The following TBC1D19 variants were observed in gnomAD, a reference collection of about 807,000 sequenced individuals.
TBC1D19 encodes the protein TBC1 domain family member 19.
In TBC1D19, 60 loss-of-function variants were observed where a neutral mutation model predicts 89.0. The observed-to-expected ratio is 0.67, with a 90% CI of 0.55 to 0.84. The LOEUF is 0.84. Among genes scored for constraint, TBC1D19 ranks in the 40% least tolerant of loss-of-function variants. The pLI is 0.00. For synonymous variants in TBC1D19, 189 were observed against 199.7 expected, an observed-to-expected ratio of 0.95 and a Z score of 0.45; for missense variants, 500 against 610.8, an observed-to-expected ratio of 0.82 and a Z score of 1.91.
At chr4:26,695,769 A>G (rs1055003720) in intron 13 of TBC1D19, among the ~76,000 whole-genome samples, 50 of 152,314 alleles carry the variant, frequency 3.3e-4, no homozygotes, top group African/African-American at 1.1e-3. Context: ...AGCTTTGTAA[A>G]TGAAGGAGAA....
At chr4:26,775,294 A>T in the TBC1D19 span, among the ~76,000 whole-genome samples, 1 of 152,072 alleles carries the variant, frequency 6.6e-6, no homozygotes, top group Non-Finnish European at 1.5e-5. Flanking sequence ...TCTACAAAAC[A>T]TTTTTAAAAA....
At chr4:26,595,017 C>T (rs1164674540) in intron 1 of TBC1D19, among the ~76,000 whole-genome samples, 1 of 152,178 alleles carries the variant, frequency 6.6e-6, no homozygotes, top group African/African-American at 2.4e-5. Context: ...AAACTGACAA[C>T]CTGTCTTCCA....
At chr4:26,748,151 G>A (rs898673447) in intron 18 of TBC1D19, among the ~76,000 whole-genome samples, 3 of 152,098 alleles carry the variant, frequency 2.0e-5, no homozygotes, top group Admixed American at 6.5e-5. Flanking sequence ...TGTAGAAATG[G>A]GTTTTATAAA....
downstream of TBC1D19, among the ~76,000 whole-genome samples, chr4:26,756,941 C>T (rs1356594319): frequency 6.6e-6 from 1 of 152,150 alleles, no homozygotes; most frequent in Non-Finnish European, 1.5e-5. Context: ...CTTCCGCAGA[C>T]CCCTCTCTGC....
the TBC1D19 span, among the ~76,000 whole-genome samples, chr4:26,825,107 T>TA: frequency 6.6e-6 from 1 of 152,106 alleles, no homozygotes; most frequent in East Asian, 1.9e-4. Flanking sequence ...TTTAGGATTT[T>TA]TTTTTTTTTT....
At chr4:26,716,608 T>A (rs1716628685) in intron 13 of TBC1D19, among the ~76,000 whole-genome samples, 1 of 152,124 alleles carries the variant, frequency 6.6e-6, no homozygotes, top group African/African-American at 2.4e-5. Context: ...AGTGGAATAT[T>A]CTGCAACATA....
chr4:26,795,409 A>G, the TBC1D19 span, among the ~76,000 whole-genome samples: 3 of 152,160 alleles, frequency 2.0e-5, no homozygotes, highest in Non-Finnish European at 4.4e-5. Context: ...TTAATGCACC[A>G]TGATTTAACT....
chr4:26,717,907 T>C (rs1245272123), intron 13 of TBC1D19, 26 bp from the exon 14 acceptor site: 1 of 1,568,858 alleles, frequency 6.4e-7, no homozygotes, highest in East Asian at 2.2e-5. Context: ...GCTTAATTGC[T>C]ATTTTTTTTC....
At chr4:26,578,989 T>C (rs1325986690) in intron 1 of TBC1D19, among the ~76,000 whole-genome samples, 2 of 152,232 alleles carry the variant, frequency 1.3e-5, no homozygotes, top group East Asian at 1.9e-4. Context: ...TCCTGTCATG[T>C]AATCTGCTAC....
At chr4:26,708,211 C>G (rs1351010602) in intron 13 of TBC1D19, among the ~76,000 whole-genome samples, 1 of 152,016 alleles carries the variant, frequency 6.6e-6, no homozygotes. Context: ...GAATATCTCT[C>G]TCACTTTTGA....
At chr4:26,645,589 G>A (rs2110089509) in intron 7 of TBC1D19, among the ~76,000 whole-genome samples, 1 of 152,274 alleles carries the variant, frequency 6.6e-6, no homozygotes, top group East Asian at 1.9e-4. Context: ...CAGGACATAG[G>A]CATGGGCAAG....
the TBC1D19 span, among the ~76,000 whole-genome samples, chr4:26,761,790 T>C: frequency 6.6e-6 from 1 of 152,316 alleles, no homozygotes; most frequent in Non-Finnish European, 1.5e-5. Context: ...TAACAAATAT[T>C]TTTCAATATT....
chr4:26,697,170 G>A (rs1231404790), intron 13 of TBC1D19, among the ~76,000 whole-genome samples: 1 of 151,968 alleles, frequency 6.6e-6, no homozygotes, highest in Middle Eastern at 3.2e-3. Flanking sequence ...AATGATAAAG[G>A]GGATGTCACC....
intron 15 of TBC1D19, among the ~76,000 whole-genome samples, chr4:26,731,433 A>G (rs1046750608): frequency 6.6e-6 from 1 of 152,148 alleles, no homozygotes; most frequent in Admixed American, 6.5e-5. Context: ...GGAGAGGTAC[A>G]TAATCACATT....
chr4:26,597,595 C>G (rs1286444384), intron 1 of TBC1D19, among the ~76,000 whole-genome samples: 1 of 143,172 alleles, frequency 7.0e-6, no homozygotes, highest in Non-Finnish European at 1.5e-5. Flanking sequence ...AACTCCTGAT[C>G]TCAGGTGATC....
chr4:26,744,460 G>A (rs1272470947), intron 18 of TBC1D19, among the ~76,000 whole-genome samples: 2 of 151,294 alleles, frequency 1.3e-5, no homozygotes. Flanking sequence ...CTTGTTTAAG[G>A]TAGAAGTTAG....
Position 26,754,866 on chromosome 4 carries a change from G to T in TBC1D19, c.1507-7G>T. ...CTATTAATAATTCTTTTTATTTTTT[G>T]TTTCAGGCAGTTCTTGCTGACCTTT... On this transcript the variant is annotated splice_polypyrimidine_tract_variant and splice_region_variant and intron_variant, in intron 20 of 20. Coordinates refer to ENST00000264866, the MANE Select transcript of TBC1D19 (RefSeq NM_018317.4). The T allele has an allele frequency of 1.9e-6, 3 of 1,583,782 alleles. No individual in the cohort carries two copies. Among genetic ancestry groups the T allele is most frequent in the Non-Finnish European group, 1.7e-6 (2 of 1,170,644 alleles).
At chr4:26,672,115 T>C in intron 9 of TBC1D19, 34 bp from the exon 10 acceptor site, 2 of 907,894 alleles carry the variant, frequency 2.2e-6, no homozygotes, top group Non-Finnish European at 3.1e-6. Context: ...CTCATACTCA[T>C]GTCTAATAAT....
chr4:26,744,477 G>T (rs997552948), intron 18 of TBC1D19, among the ~76,000 whole-genome samples: 1 of 151,472 alleles, frequency 6.6e-6, no homozygotes, highest in African/African-American at 2.4e-5. Flanking sequence ...TTAGATCATT[G>T]ATTTGGGACT....
Sources: allele counts gnomAD v4.1 joint callset (sites outside exome capture counted in the v4.1 genomes callset), GRCh38; gene constraint gnomAD v4.1.1; transcripts MANE v1.5; gene names NCBI Gene and HGNC (gene_info 2026-07-23, HGNC 2026-07-21).